Variants in STAC observed in about 807,000 individuals in gnomAD.
STAC encodes the protein SH3 and cysteine rich domain, also known as SH3 and cysteine-rich domain-containing protein.
STAC carries 43 observed loss-of-function variants against 48.8 expected under a neutral mutation model. The ratio of observed to expected loss-of-function variants is 0.88; its 90% CI spans 0.69 to 1.14. The LOEUF is 1.14. Ranked by LOEUF, STAC falls within the 50% of genes most tolerant of loss-of-function variation. STAC has a pLI of 0.00. For missense variants in STAC, 497 were observed against 504.0 expected (o/e 0.99, Z 0.13); for synonymous variants, 193 against 179.5 (o/e 1.07, Z -0.60).
chr3:36,472,938 C>A (rs1206721833), intron 2 of STAC, among the ~76,000 whole-genome samples: 1 of 152,204 alleles, frequency 6.6e-6, no homozygotes, highest in Non-Finnish European at 1.5e-5. Context: ...CAGCAATGCC[C>A]CACTCTACTG....
intron 2 of STAC, among the ~76,000 whole-genome samples, chr3:36,470,709 CT>C (rs1427373643): frequency 6.6e-6 from 1 of 152,230 alleles, no homozygotes; most frequent in Non-Finnish European, 1.5e-5. Flanking sequence ...TGATGTGAGT[CT>C]GCACAAGCTG....
chr3:36,395,862 C>T (rs62245726), intron 1 of STAC, among the ~76,000 whole-genome samples: 2,466 of 151,880 alleles, frequency 0.016, 24 homozygotes, highest in Non-Finnish European at 0.028. Context: ...AAGATAGCAG[C>T]AAGGGCCAGA....
chr3:36,531,915 A>G (rs1205165810), intron 10 of STAC, among the ~76,000 whole-genome samples: 1 of 152,236 alleles, frequency 6.6e-6, no homozygotes, highest in African/African-American at 2.4e-5. Context: ...ATACAATGGT[A>G]GTAAAAAACT....
chr3:36,435,122 A>C (rs182777538), intron 1 of STAC, among the ~76,000 whole-genome samples: 1 of 152,198 alleles, frequency 6.6e-6, no homozygotes, highest in Non-Finnish European at 1.5e-5. Flanking sequence ...AATAACCTAA[A>C]ATGAACACTC....
At chr3:36,457,050 A>C (rs1403392680) in intron 2 of STAC, among the ~76,000 whole-genome samples, 1 of 152,242 alleles carries the variant, frequency 6.6e-6, no homozygotes, top group Admixed American at 6.5e-5. Context: ...CATGCTGCCT[A>C]GTTTGACTTG....
intron 2 of STAC, among the ~76,000 whole-genome samples, chr3:36,472,268 C>T (rs1466640799): frequency 6.6e-6 from 1 of 152,216 alleles, no homozygotes; most frequent in African/African-American, 2.4e-5. Context: ...GCACCAAGTC[C>T]CTAGCGTGGG....
intron 1 of STAC, among the ~76,000 whole-genome samples, chr3:36,437,724 A>G (rs1235931384): frequency 1.3e-5 from 2 of 151,418 alleles, no homozygotes; most frequent in Non-Finnish European, 2.9e-5. Flanking sequence ...ACATGTATAC[A>G]TATGTAACTA....
rs1186692545 is a variant in STAC, at chr3:36,449,445, TAA to T, written c.388+5807_388+5808del. On this transcript the variant is annotated intron_variant, in intron 2 of 10. Transcript: ENST00000273183. Reference sequence around the variant, plus strand: ...CTAACACTCGCAAGGGCAGATTCATTAAAGAGTTGTTAAGACTTCAATATAAG... The same window carrying T: ...CTAACACTCGCAAGGGCAGATTCATTAGAGTTGTTAAGACTTCAATATAAG... Among the ~76,000 whole-genome samples the T allele has an allele frequency of 2.6e-5, 4 of 152,320 alleles. No homozygotes were observed. In the East Asian group the frequency reaches 7.7e-4, roughly 29 times the overall value.
rs2125703347 is a variant in STAC at position 36,488,389 on chromosome 3, C to T, written c.687+2140C>T. Among the ~76,000 whole-genome samples, 2 of 152,320 alleles carry T rather than the reference C, an allele frequency of 1.3e-5. 1 individual carries two copies. The highest frequency in any genetic ancestry group is 6.8e-3 in the Middle Eastern group (2 of 294). On this transcript the variant is annotated intron_variant, in intron 5 of 10. Coordinates refer to ENST00000273183, the MANE Select transcript of STAC (RefSeq NM_003149.3). Reference sequence around the variant, plus strand: ...CATGCTTGGGCAGTGTTAGAAACCCCTGACTTACTCGAGGGTAACTTCGCT... The same window carrying T: ...CATGCTTGGGCAGTGTTAGAAACCCTTGACTTACTCGAGGGTAACTTCGCT...
At chr3:36,457,072 G>A (rs567738662) in intron 2 of STAC, among the ~76,000 whole-genome samples, 18 of 152,200 alleles carry the variant, frequency 1.2e-4, no homozygotes, top group South Asian at 4.1e-4. Flanking sequence ...TCAAACCTCC[G>A]GTAACTAACA....
chr3:36,520,680 A>G (rs1265333041), intron 8 of STAC, among the ~76,000 whole-genome samples: 3 of 152,204 alleles, frequency 2.0e-5, no homozygotes, highest in Non-Finnish European at 4.4e-5. Flanking sequence ...TCAAAATGCA[A>G]TTAAGGCTAT....
intron 1 of STAC, among the ~76,000 whole-genome samples, chr3:36,384,838 A>C (rs752931911): frequency 4.6e-5 from 7 of 152,182 alleles, no homozygotes; most frequent in Non-Finnish European, 8.8e-5. Flanking sequence ...TGAAAAAGAA[A>C]TCTCTAACCA....
At chr3:36,429,697 GA>G (rs1356402460) in intron 1 of STAC, among the ~76,000 whole-genome samples, 1 of 152,142 alleles carries the variant, frequency 6.6e-6, no homozygotes, top group Non-Finnish European at 1.5e-5. Flanking sequence ...CCTCGGAATT[GA>G]GTTGTATAAC....
At chr3:36,395,165 T>C (rs1699832143) in intron 1 of STAC, among the ~76,000 whole-genome samples, 1 of 152,064 alleles carries the variant, frequency 6.6e-6, no homozygotes, top group Non-Finnish European at 1.5e-5. Flanking sequence ...ATAGAAACAA[T>C]GTAACTGACT....
intron 1 of STAC, among the ~76,000 whole-genome samples, chr3:36,385,934 TA>T (rs1238260715): frequency 6.6e-6 from 1 of 152,124 alleles, no homozygotes; most frequent in East Asian, 1.9e-4. Flanking sequence ...TGGGCTGCTA[TA>T]AGCCATACTG....
chr3:36,528,893 CA>C lies in STAC; in HGVS notation c.1019del (p.Gln340ArgfsTer25). 1 of 1,613,596 alleles carries C rather than the reference CA, an allele frequency of 6.2e-7. No homozygotes were observed. Among genetic ancestry groups the C allele is most frequent in the African/African-American group, 1.3e-5 (1 of 74,996 alleles). On this transcript the variant is annotated frameshift_variant, in exon 10 of 11. Coordinates refer to ENST00000273183, the MANE Select transcript of STAC (RefSeq NM_003149.3). LOFTEE classifies it high-confidence loss of function. ...RIGFFPANFV[Q>X]RLQQNEKIFR... ...TGGCTTCTTTCCAGCCAACTTTGTTCAGAGACTACAACAAAATGAGAAGATT... is the reference window on the plus strand; with the variant it reads ...TGGCTTCTTTCCAGCCAACTTTGTTCGAGACTACAACAAAATGAGAAGATT...
chr3:36,409,514 C>T (rs1031811220), intron 1 of STAC: 4 of 152,198 alleles, frequency 2.6e-5, no homozygotes, highest in Admixed American at 6.5e-5. Context: ...CTATGGATGA[C>T]GTGAACTGAG....
At chr3:36,532,691 A>G (rs564105327) in intron 10 of STAC, among the ~76,000 whole-genome samples, 1 of 152,328 alleles carries the variant, frequency 6.6e-6, no homozygotes, top group African/African-American at 2.4e-5. Flanking sequence ...TCTGTCTCCC[A>G]TAAAAGTATA....
intron 8 of STAC, among the ~76,000 whole-genome samples, chr3:36,519,155 G>A (rs956167684): frequency 6.6e-6 from 1 of 152,230 alleles, no homozygotes; most frequent in Admixed American, 6.5e-5. Flanking sequence ...ATTACTTTAA[G>A]AGGTGCCAAA....
Sources: gnomAD v4.1 joint callset for allele counts (sites outside exome capture counted in the v4.1 genomes callset) on GRCh38, gnomAD v4.1.1 for gene constraint, MANE v1.5 for transcripts, NCBI Gene and HGNC (gene_info 2026-07-23, HGNC 2026-07-21) for gene names.